The following ERICH1 variants were observed in gnomAD, a reference collection of about 807,000 sequenced individuals.
ERICH1 encodes glutamate-rich protein 1.
In ERICH1, 56 loss-of-function variants were observed where a neutral mutation model predicts 39.6. The observed-to-expected ratio is 1.41, with a 90% confidence interval of 1.14 to 1.77. ERICH1 has a LOEUF of 1.77. ERICH1 is among the 40% of genes most tolerant of loss of function. The pLI is 0.00. For missense variants in ERICH1, 826 were observed against 575.4 expected, an observed-to-expected ratio of 1.44 and a Z score of -4.45; for synonymous variants, 313 against 223.6, an observed-to-expected ratio of 1.40 and a Z score of -3.57.
chr8:656,945 A>G, intron 3 of ERICH1: 4 of 697,400 alleles, frequency 5.7e-6, no homozygotes, highest in Non-Finnish European at 7.1e-6. Context: ...TAAATAATGC[A>G]TTTTAGTGCA....
chr8:679,530 G>C (rs1397901424), intron 3 of ERICH1, among the ~76,000 whole-genome samples: 1 of 152,148 alleles, frequency 6.6e-6, no homozygotes, highest in Non-Finnish European at 1.5e-5. Flanking sequence ...CAAGAAGGGA[G>C]GGCCACGGGC....
chr8:669,042 C>T (rs573218050), intron 4 of ERICH1: 4 of 518,334 alleles, frequency 7.7e-6, no homozygotes, highest in African/African-American at 1.9e-5. Flanking sequence ...GGCCCATCTA[C>T]ACCTCTGTCT....
intron 1 of ERICH1, among the ~76,000 whole-genome samples, chr8:727,513 G>A (rs979382911): frequency 6.6e-6 from 1 of 152,198 alleles, no homozygotes; most frequent in South Asian, 2.1e-4. Context: ...GACAGAGGCC[G>A]CCTGCCTGCT....
At position 715,909 on chromosome 8, in the gene ERICH1, T is replaced by A; in HGVS notation, c.121A>T (p.Lys41Ter). ...QTLAVQNPPK[K>*]VTSEKVSQKH... ...TGGCTCACTTTCTCAGAGGTCACTT[T>A]CTTTGGTGGATTTTGGACGGCCAGC... is the stretch of plus-strand genomic sequence containing the variant. The change falls in exon 2 of 6, where the codon AAA becomes TAA. Residue 41 changes from lysine to a stop codon, truncating the protein, a stop_gained. Transcript: ENST00000262109. LOFTEE classifies it high-confidence loss of function. The A allele has an allele frequency of 6.2e-7, 1 of 1,614,016 alleles. No individual in the cohort carries two copies. The highest frequency in any genetic ancestry group is 8.5e-7 in the Non-Finnish European group (1 of 1,179,970).
In ERICH1 at chr8:664,375, A is replaced by G. The variant is rs1054152757; in HGVS notation, c.*228T>C. 1.3e-5 allele frequency: 15 copies of G among 1,172,832 alleles called. No homozygotes were observed. In the African/African-American group the frequency reaches 2.4e-4, roughly 18 times the overall value. 72.7% of individuals were successfully genotyped at this position (1,172,832 alleles called of 1,614,324 possible). ...AGAGAAACAGAATCAAGTTTTATGT[A>G]GTAATTCAAGATATATATAATTGCA... On this transcript the variant is annotated 3_prime_UTR_variant, in exon 6 of 6. Coordinates refer to ENST00000262109, the MANE Select transcript of ERICH1 (RefSeq NM_207332.3).
chr8:623,208 A>G (rs1797395274), intron 3 of ERICH1, among the ~76,000 whole-genome samples: 1 of 152,344 alleles, frequency 6.6e-6, no homozygotes, highest in South Asian at 2.1e-4. Context: ...CACCATGAGT[A>G]AATGGAATTT....
intron 1 of ERICH1, among the ~76,000 whole-genome samples, chr8:718,718 C>A (rs1816606924): frequency 2.0e-5 from 3 of 152,328 alleles, no homozygotes; most frequent in African/African-American, 7.2e-5. Context: ...GTGATCCCAG[C>A]CTCACGACCT....
chr8:724,684 A>C (rs960610863), intron 1 of ERICH1, among the ~76,000 whole-genome samples: 1 of 152,190 alleles, frequency 6.6e-6, no homozygotes, highest in African/African-American at 2.4e-5. Context: ...TTTTACTCCA[A>C]TATTGTTATT....
At chr8:638,137 G>A (rs1798591381) in intron 3 of ERICH1, among the ~76,000 whole-genome samples, 1 of 152,256 alleles carries the variant, frequency 6.6e-6, no homozygotes, top group Non-Finnish European at 1.5e-5. Flanking sequence ...AGCACCTGCT[G>A]AGGAAGGGCC....
At chr8:634,168 C>CAAAAA (rs56687918) in intron 3 of ERICH1, among the ~76,000 whole-genome samples, 24 of 91,956 alleles carry the variant, frequency 2.6e-4, no homozygotes, top group Non-Finnish European at 4.6e-4. Context: ...TCCTAAAACT[C>CAAAAA]AAAAAAAAAA....
intron 3 of ERICH1, among the ~76,000 whole-genome samples, chr8:684,329 C>T (rs1048372716): frequency 2.0e-5 from 3 of 151,362 alleles, no homozygotes; most frequent in East Asian, 1.9e-4. Context: ...TGAAGAAAAG[C>T]CATTGAATTA....
intron 3 of ERICH1, among the ~76,000 whole-genome samples, chr8:685,594 T>C (rs1325841059): frequency 1.3e-5 from 2 of 152,160 alleles, no homozygotes; most frequent in South Asian, 2.1e-4. Flanking sequence ...AAGACAGGCA[T>C]AAGAAATTAT....
At chr8:658,439 C>T (rs1339982698) in intron 3 of ERICH1, among the ~76,000 whole-genome samples, 1 of 152,188 alleles carries the variant, frequency 6.6e-6, no homozygotes, top group East Asian at 1.9e-4. Context: ...GGGGCTTCGA[C>T]CTCCCTGAAC....
At chr8:640,686 G>C (rs1437900205) in intron 3 of ERICH1, 1 of 152,156 alleles carries the variant, frequency 6.6e-6, no homozygotes, top group Non-Finnish European at 1.5e-5. Context: ...GACAATGTAC[G>C]GATGGAAAGA....
chr8:628,184 G>A (rs970085859), intron 3 of ERICH1, among the ~76,000 whole-genome samples: 4 of 152,238 alleles, frequency 2.6e-5, no homozygotes, highest in African/African-American at 9.6e-5. Flanking sequence ...AGTGCTGTGT[G>A]TGGAAATTAC....
chr8:616,653 G>A lies in ERICH1; in HGVS notation c.977-1369C>T, dbSNP rs139549200. 887 of 453,418 alleles carry A rather than the reference G, an allele frequency of 2.0e-3. 7 individuals carry two copies. Among genetic ancestry groups the A allele is most frequent in the African/African-American group, 0.016 (795 of 49,522 alleles). The allele number at this position is 453,418 out of a possible 1,614,324, so 28.1% of individuals were successfully genotyped here. A position where few individuals can be genotyped will look rare whatever the true frequency, so the allele number is the denominator to read the frequency against. On this transcript the variant is annotated intron_variant, in intron 3 of 3. Coordinates refer to the ERICH1 transcript ENST00000522706. ...CAGAGACAGAGAAGGAGAGACAGACGGGGGCGCGGGGGACAGAGGCAGAGG... is the reference window on the plus strand; with the variant it reads ...CAGAGACAGAGAAGGAGAGACAGACAGGGGCGCGGGGGACAGAGGCAGAGG...
chr8:619,581 A>G (rs1161975730), intron 3 of ERICH1, among the ~76,000 whole-genome samples: 1 of 152,212 alleles, frequency 6.6e-6, no homozygotes, highest in African/African-American at 2.4e-5. Context: ...CAGAAATGGT[A>G]AATAAGGAGA....
chr8:701,969 C>T (rs181922005), intron 2 of ERICH1, among the ~76,000 whole-genome samples: 12 of 148,080 alleles, frequency 8.1e-5, no homozygotes, highest in East Asian at 2.1e-4. Flanking sequence ...GGGCGCTACT[C>T]GGGAGGCTGA....
chr8:661,366 C>T (rs189137238), downstream of ERICH1, among the ~76,000 whole-genome samples: 1 of 152,110 alleles, frequency 6.6e-6, no homozygotes, highest in Non-Finnish European at 1.5e-5. Flanking sequence ...TAGAGACCGG[C>T]TTGTGCAAGC....
Sources: allele counts gnomAD v4.1 joint callset (sites outside exome capture counted in the v4.1 genomes callset), GRCh38; gene constraint gnomAD v4.1.1; transcripts MANE v1.5; gene names NCBI Gene and HGNC (gene_info 2026-07-23, HGNC 2026-07-21).